Variants in GPC5 observed in about 807,000 individuals in gnomAD.
The protein encoded by GPC5 is glypican 5.
GPC5 carries 47 observed loss-of-function variants against 53.9 expected under a neutral mutation model. The ratio of observed to expected loss-of-function variants is 0.87; its 90% CI spans 0.69 to 1.11. The LOEUF (loss-of-function observed/expected upper bound fraction) is 1.11. Among genes scored for constraint, GPC5 ranks in the 50% most tolerant of loss-of-function variants. The pLI is 0.00. For missense variants in GPC5, 748 were observed against 713.1 expected (o/e 1.05, Z -0.56); for synonymous variants, 286 against 263.3 (o/e 1.09, Z -0.84).
At chr13:92,723,722 A>G (rs932234447) in intron 7 of GPC5, among the ~76,000 whole-genome samples, 4 of 151,634 alleles carry the variant, frequency 2.6e-5, no homozygotes, top group Non-Finnish European at 5.9e-5. Context: ...GCCTTGTGAA[A>G]TTTTCATTTT....
intron 2 of GPC5, among the ~76,000 whole-genome samples, chr13:91,638,807 A>G (rs1377510104): frequency 6.6e-6 from 1 of 152,256 alleles, no homozygotes; most frequent in Non-Finnish European, 1.5e-5. Context: ...CCGTTAGCTA[A>G]CGTATTATAC....
chr13:91,608,129 G>A (rs1024416345), intron 2 of GPC5, among the ~76,000 whole-genome samples: 1 of 152,128 alleles, frequency 6.6e-6, no homozygotes. Flanking sequence ...TGTTTCTCAA[G>A]TGACTTGTGT....
intron 5 of GPC5, among the ~76,000 whole-genome samples, chr13:91,850,764 G>GA (rs2038903835): frequency 6.6e-6 from 1 of 151,480 alleles, no homozygotes; most frequent in Admixed American, 6.6e-5. Flanking sequence ...TACATATGTA[G>GA]AAAAAAAGAT....
chr13:92,350,490 A>G (rs1386207539), intron 7 of GPC5, among the ~76,000 whole-genome samples: 1 of 152,140 alleles, frequency 6.6e-6, no homozygotes, highest in Non-Finnish European at 1.5e-5. Context: ...AAACAGTTGA[A>G]CTCATAGAAG....
intron 6 of GPC5, among the ~76,000 whole-genome samples, chr13:92,095,946 T>C (rs1177847520): frequency 6.6e-6 from 1 of 152,214 alleles, no homozygotes; most frequent in East Asian, 1.9e-4. Flanking sequence ...ACATTATTGA[T>C]GTAGAAAATT....
intron 7 of GPC5, among the ~76,000 whole-genome samples, chr13:92,430,203 T>C (rs1328728261): frequency 6.6e-6 from 1 of 152,080 alleles, no homozygotes; most frequent in African/African-American, 2.4e-5. Context: ...CCTATCCTGT[T>C]TAGAATGCTT....
chr13:92,083,129 C>T (rs2041309541), intron 6 of GPC5, among the ~76,000 whole-genome samples: 1 of 152,120 alleles, frequency 6.6e-6, no homozygotes, highest in Non-Finnish European at 1.5e-5. Context: ...ACTTATTTTA[C>T]AGAGATTCCC....
intron 6 of GPC5, among the ~76,000 whole-genome samples, chr13:92,061,810 G>A (rs1339081960): frequency 2.6e-5 from 4 of 151,824 alleles, no homozygotes; most frequent in Non-Finnish European, 5.9e-5. Context: ...GAAAGAATGA[G>A]CCAGCAAATA....
chr13:91,455,471 TC>T (rs1277677130), intron 2 of GPC5, among the ~76,000 whole-genome samples: 1 of 152,158 alleles, frequency 6.6e-6, no homozygotes, highest in Non-Finnish European at 1.5e-5. Flanking sequence ...GCATATCACT[TC>T]ACATGCAGTT....
intron 6 of GPC5, among the ~76,000 whole-genome samples, chr13:91,944,830 G>A (rs1410926095): frequency 6.6e-6 from 1 of 152,098 alleles, no homozygotes; most frequent in East Asian, 1.9e-4. Context: ...TGATAGATAT[G>A]TTGCAAAGAT....
chr13:92,317,174 G>A (rs1321821853), intron 7 of GPC5, among the ~76,000 whole-genome samples: 1 of 152,088 alleles, frequency 6.6e-6, no homozygotes, highest in Non-Finnish European at 1.5e-5. Flanking sequence ...TAATGTATGT[G>A]GGAAGTCGCC....
chr13:92,265,190 A>C (rs1464444339), intron 7 of GPC5, among the ~76,000 whole-genome samples: 1 of 152,028 alleles, frequency 6.6e-6, no homozygotes, highest in Non-Finnish European at 1.5e-5. Context: ...TCTCTCAAAC[A>C]GTTTTAAAAT....
chr13:92,178,901 G>A (rs1427875274), intron 7 of GPC5, among the ~76,000 whole-genome samples: 1 of 152,146 alleles, frequency 6.6e-6, no homozygotes, highest in African/African-American at 2.4e-5. Flanking sequence ...AACCCAGGAG[G>A]TGGAGGTTGC....
At chr13:92,849,708 T>C (rs1034804020) in intron 7 of GPC5, among the ~76,000 whole-genome samples, 3 of 152,162 alleles carry the variant, frequency 2.0e-5, no homozygotes, top group Non-Finnish European at 4.4e-5. Flanking sequence ...ATGGGTTCAA[T>C]AGAAAAGTCT....
intron 6 of GPC5, among the ~76,000 whole-genome samples, chr13:92,070,950 T>C (rs1458020394): frequency 6.6e-6 from 1 of 152,172 alleles, no homozygotes; most frequent in Non-Finnish European, 1.5e-5. Flanking sequence ...TGAAATGAAA[T>C]CTGTTGGCCA....
At chr13:92,228,770 A>C (rs2042507762) in intron 7 of GPC5, among the ~76,000 whole-genome samples, 1 of 152,134 alleles carries the variant, frequency 6.6e-6, no homozygotes, top group Non-Finnish European at 1.5e-5. Context: ...AAACACACAC[A>C]GAACTAAAAG....
chr13:92,148,800 A>G (rs1016088648), intron 7 of GPC5, among the ~76,000 whole-genome samples: 3 of 152,102 alleles, frequency 2.0e-5, no homozygotes, highest in Non-Finnish European at 4.4e-5. Context: ...TGCAGAACGA[A>G]TCTAATATTA....
At chr13:92,528,866 T>C (rs1881454880) in intron 7 of GPC5, among the ~76,000 whole-genome samples, 1 of 152,042 alleles carries the variant, frequency 6.6e-6, no homozygotes, top group Non-Finnish European at 1.5e-5. Flanking sequence ...TAGACTATTT[T>C]CTTGAAATAA....
intron 2 of GPC5, among the ~76,000 whole-genome samples, chr13:91,673,328 A>C (rs2035295161): frequency 6.6e-6 from 1 of 152,178 alleles, no homozygotes; most frequent in East Asian, 1.9e-4. Context: ...TGCCTAAAGG[A>C]ATTATATATA....
Sources: allele counts gnomAD v4.1 joint callset (sites outside exome capture counted in the v4.1 genomes callset), GRCh38; gene constraint gnomAD v4.1.1; transcripts MANE v1.5; gene names NCBI Gene and HGNC (gene_info 2026-07-23, HGNC 2026-07-21).